Variants in TMEM108 observed in about 807,000 individuals in gnomAD.
TMEM108 encodes the protein cancer/testis antigen 124.
Under a neutral mutation model 35.1 loss-of-function variants are expected in TMEM108, and 12 were observed. The ratio of observed to expected loss-of-function variants is 0.34; its 90% CI spans 0.22 to 0.55. TMEM108 has a LOEUF of 0.55. TMEM108 is among the 20% of genes least tolerant of loss of function. The pLI is 0.89. For missense variants in TMEM108, 680 were observed against 753.3 expected, an observed-to-expected ratio of 0.90 and a Z score of 1.14; for synonymous variants, 287 against 308.6, an observed-to-expected ratio of 0.93 and a Z score of 0.73.
At chr3:133,133,476 CAG>C (rs1232549859) in intron 2 of TMEM108, among the ~76,000 whole-genome samples, 4 of 152,106 alleles carry the variant, frequency 2.6e-5, no homozygotes, top group African/African-American at 9.7e-5. Flanking sequence ...ACTGGGGAAA[CAG>C]AAAATCTGTG....
At chr3:133,284,745 G>A (rs112412085) in intron 3 of TMEM108, among the ~76,000 whole-genome samples, 131 of 152,166 alleles carry the variant, frequency 8.6e-4, no homozygotes, top group African/African-American at 3.1e-3. Context: ...AAACCATCCC[G>A]GATTAATGAC....
intron 2 of TMEM108, among the ~76,000 whole-genome samples, chr3:133,150,015 AG>A (rs1944775127): frequency 6.6e-6 from 1 of 152,150 alleles, no homozygotes; most frequent in Non-Finnish European, 1.5e-5. Context: ...CAGAAGTAGG[AG>A]TGCAGGATCA....
At chr3:133,338,874 G>A (rs1486447803) in intron 3 of TMEM108, among the ~76,000 whole-genome samples, 1 of 151,928 alleles carries the variant, frequency 6.6e-6, no homozygotes, top group Non-Finnish European at 1.5e-5. Context: ...TATGCAAAGA[G>A]TGTTGTTATC....
chr3:133,107,448 T>C (rs1944166216), intron 2 of TMEM108, among the ~76,000 whole-genome samples: 1 of 140,894 alleles, frequency 7.1e-6, no homozygotes, highest in South Asian at 2.4e-4. Flanking sequence ...CAGGATGAAG[T>C]GTATGTGGTG....
intron 3 of TMEM108, among the ~76,000 whole-genome samples, chr3:133,287,854 T>A (rs1416432127): frequency 6.6e-6 from 1 of 152,172 alleles, no homozygotes; most frequent in Admixed American, 6.6e-5. Context: ...AGATAATCAC[T>A]TAGGTTCAAG....
intron 2 of TMEM108, among the ~76,000 whole-genome samples, chr3:133,186,418 C>A (rs1945422100): frequency 6.6e-6 from 1 of 152,160 alleles, no homozygotes; most frequent in Admixed American, 6.5e-5. Flanking sequence ...CCTTACTGTC[C>A]TATCTCTGAA....
chr3:133,044,801 G>T (rs572001409), intron 1 of TMEM108, among the ~76,000 whole-genome samples: 1 of 152,140 alleles, frequency 6.6e-6, no homozygotes, highest in African/African-American at 2.4e-5. Context: ...ATACATTTAA[G>T]AAAAAATTAG....
intron 3 of TMEM108, among the ~76,000 whole-genome samples, chr3:133,302,320 G>A (rs969177846): frequency 6.6e-6 from 1 of 152,022 alleles, no homozygotes; most frequent in Non-Finnish European, 1.5e-5. Context: ...CTTTACCTAG[G>A]AGGGAATTTA....
In TMEM108 at chr3:133,310,274, G is replaced by T. The variant is rs544549015; in HGVS notation, c.41-69478G>T. ...GATATCCTTGTTAACCTTCTGTCTCGTTGATCTGTCTAATATTGACAGTGG... is the reference window on the plus strand; with the variant it reads ...GATATCCTTGTTAACCTTCTGTCTCTTTGATCTGTCTAATATTGACAGTGG... On this transcript the variant is annotated intron_variant, in intron 3 of 5. Coordinates refer to ENST00000321871, the MANE Select transcript of TMEM108 (RefSeq NM_023943.4). 3.3e-5 allele frequency among the ~76,000 whole-genome samples: 5 copies of T among 150,542 alleles called. No homozygotes were observed. In the South Asian group the frequency reaches 8.5e-4, roughly 26 times the overall value.
intron 2 of TMEM108, among the ~76,000 whole-genome samples, chr3:133,057,443 A>G (rs34975339): frequency 0.048 from 544 of 11,244 alleles, 14 homozygotes; most frequent in African/African-American, 0.067. Flanking sequence ...GTGTATATAT[A>G]TATATATATA....
chr3:133,078,756 A>G (rs4501112), intron 2 of TMEM108, among the ~76,000 whole-genome samples: 74,127 of 152,032 alleles, frequency 0.49, 18,656 homozygotes, highest in African/African-American at 0.62. Flanking sequence ...CATTTACTAA[A>G]TATGAAATGT....
At chr3:133,180,323 A>G (rs1238198826) in intron 2 of TMEM108, among the ~76,000 whole-genome samples, 1 of 152,178 alleles carries the variant, frequency 6.6e-6, no homozygotes, top group Non-Finnish European at 1.5e-5. Context: ...TAATAAATAC[A>G]AATACATGGC....
chr3:133,106,835 A>G (rs1311585837), intron 2 of TMEM108, among the ~76,000 whole-genome samples: 1 of 152,198 alleles, frequency 6.6e-6, no homozygotes, highest in Non-Finnish European at 1.5e-5. Flanking sequence ...CTATACCTTC[A>G]TGGGAGCCTC....
intron 2 of TMEM108, among the ~76,000 whole-genome samples, chr3:133,203,827 A>C (rs766047981): frequency 6.6e-6 from 1 of 152,108 alleles, no homozygotes; most frequent in African/African-American, 2.4e-5. Flanking sequence ...GTTCGGGAGG[A>C]GTCCCTCTTT....
chr3:133,362,578 A>G (rs953646325), intron 3 of TMEM108, among the ~76,000 whole-genome samples: 2 of 152,198 alleles, frequency 1.3e-5, no homozygotes, highest in Admixed American at 1.3e-4. Flanking sequence ...AGGAGCCCAA[A>G]ATAAAATAAA....
chr3:133,294,886 T>G (rs1200047145), intron 3 of TMEM108, among the ~76,000 whole-genome samples: 5 of 152,210 alleles, frequency 3.3e-5, no homozygotes, highest in Non-Finnish European at 7.3e-5. Flanking sequence ...CATTTCAATC[T>G]AATGAGAACA....
intron 3 of TMEM108, among the ~76,000 whole-genome samples, chr3:133,376,994 C>T (rs1031291163): frequency 8.5e-5 from 13 of 152,178 alleles, no homozygotes; most frequent in African/African-American, 2.4e-4. Flanking sequence ...CCTTGGCTTG[C>T]AGATGGCGTC....
chr3:133,150,558 AAGTCAT>A (rs1199454912), intron 2 of TMEM108, among the ~76,000 whole-genome samples: 1 of 152,014 alleles, frequency 6.6e-6, no homozygotes, highest in African/African-American at 2.4e-5. Flanking sequence ...TGTGCTTTTG[AAGTCAT>A]AGTCATAAAC....
At chr3:133,130,547 A>G (rs1349637907) in intron 2 of TMEM108, among the ~76,000 whole-genome samples, 1 of 152,188 alleles carries the variant, frequency 6.6e-6, no homozygotes, top group Non-Finnish European at 1.5e-5. Context: ...ACTGCTCAGC[A>G]CATGACCCAA....
Sources: allele counts gnomAD v4.1 joint callset (sites outside exome capture counted in the v4.1 genomes callset), GRCh38; gene constraint gnomAD v4.1.1; transcripts MANE v1.5; gene names NCBI Gene and HGNC (gene_info 2026-07-23, HGNC 2026-07-21).